SLC35G6: variants seen among roughly 807,000 people sequenced by gnomAD.
The protein encoded by SLC35G6 is acyl-malonyl condensing enzyme 1-like 3.
A neutral mutation model predicts 20.3 loss-of-function variants in SLC35G6; 18 were observed. The observed-to-expected ratio is 0.88, with a 90% CI of 0.61 to 1.31. The LOEUF (loss-of-function observed/expected upper bound fraction) is 1.31, where lower values mean the gene tolerates loss of function less well. Among genes scored for constraint, SLC35G6 ranks in the 40% most tolerant of loss-of-function variants. The pLI is 0.00. For missense variants in SLC35G6, 372 were observed against 433.4 expected, an observed-to-expected ratio of 0.86 and a Z score of 1.26; for synonymous variants, 156 against 200.9, an observed-to-expected ratio of 0.78 and a Z score of 1.89.
At chr17:7,481,554 C>T in intron 1 of SLC35G6, 35 bp downstream of exon 1, 1 of 1,464,374 alleles carries the variant, frequency 6.8e-7, no homozygotes, top group Non-Finnish European at 9.2e-7. Context: ...GTACTCCCTC[C>T]CTATAGCTCC....
Position 7,482,264 on chromosome 17 carries a change from C to T in SLC35G6, c.280C>T (p.Leu94Phe). 2 of 1,614,042 alleles carry T rather than the reference C, an allele frequency of 1.2e-6. No homozygotes were observed. The highest frequency in any genetic ancestry group is 1.7e-6 in the Non-Finnish European group (2 of 1,179,874). ...ALLLKLRGDP[L>F]LGPPDIRGRA... The stretch of plus-strand genomic sequence containing the variant: ...GCTACTTAAACTGCGTGGCGACCCC[C>T]TTCTGGGACCTCCTGACATCCGAGG... The change falls in exon 2 of 2, where the codon CTT becomes TTT. Residue 94 changes from leucine to phenylalanine, a missense_variant. Leu to Phe is a conservative substitution (Grantham distance 22). Coordinates refer to ENST00000412468, the MANE Select transcript of SLC35G6 (RefSeq NM_001102614.2).
In SLC35G6 at chr17:7,482,285, C is replaced by A; in HGVS notation, c.301C>A (p.Arg101=). 2 of 1,614,052 alleles carry A rather than the reference C, an allele frequency of 1.2e-6. No individual in the cohort carries two copies. Among genetic ancestry groups the A allele is most frequent in the Non-Finnish European group, 1.7e-6 (2 of 1,179,882 alleles). ...GDPLLGPPDI[R]GRAYFYALLN... The stretch of plus-strand genomic sequence containing the variant: ...CCCCCTTCTGGGACCTCCTGACATC[C>A]GAGGCCGGGCCTACTTCTATGCCCT... Residue 101 remains arginine (R), a synonymous_variant, in exon 2 of 2, where the codon CGA becomes AGA. Transcript: ENST00000412468.
Position 7,482,748 on chromosome 17 carries a change from G to A in SLC35G6, c.764G>A (p.Cys255Tyr), listed in dbSNP as rs777697465. The A allele has an allele frequency of 1.2e-6, 2 of 1,612,048 alleles. No homozygotes were observed. Among genetic ancestry groups the A allele is most frequent in the South Asian group, 1.1e-5 (1 of 90,990 alleles). Residue 255 changes from cysteine (C) to tyrosine (Y), a missense_variant, in exon 2 of 2, where the codon TGT (cysteine) becomes TAT (tyrosine). Transcript: ENST00000412468. ...VLPSDLPSWS[C>Y]VGAVGILALV... Reference sequence around the variant, plus strand: ...CCCAGTGATCTCCCGAGTTGGAGTTGTGTGGGGGCAGTGGGGATCCTCGCC... The same window carrying A: ...CCCAGTGATCTCCCGAGTTGGAGTTATGTGGGGGCAGTGGGGATCCTCGCC...
rs1369354259 is a variant in SLC35G6 at position 7,483,488 on chromosome 17, CTGAA to C, written c.*490_*493del. The C allele has an allele frequency of 1.8e-5, 4 of 226,238 alleles. No individual in the cohort carries two copies. Among genetic ancestry groups the C allele is most frequent in the Non-Finnish European group, 3.6e-5 (4 of 112,122 alleles). The allele number at this position is 226,238 out of a possible 1,614,324, so 14.0% of individuals were successfully genotyped here. ...ACATTGACATCAAACAAGGATTACT[CTGAA>C]TGTGGCTTGCAGTGGTGTCGTCTCT... On this transcript the variant is annotated 3_prime_UTR_variant, in exon 2 of 2. Coordinates refer to ENST00000412468, the MANE Select transcript of SLC35G6 (RefSeq NM_001102614.2).
Position 7,482,444 on chromosome 17 carries a change from C to A in SLC35G6, c.460C>A (p.Leu154Ile), listed in dbSNP as rs750803593. 110 of 1,614,032 alleles carry A rather than the reference C, an allele frequency of 6.8e-5. No individual in the cohort carries two copies. Among genetic ancestry groups the A allele is most frequent in the Non-Finnish European group, 1.4e-5 (17 of 1,179,878 alleles). Residue 154 changes from leucine to isoleucine, a missense_variant, in exon 2 of 2, where the codon CTC becomes ATC. Physicochemically the swap from Leu to Ile is conservative, Grantham distance 5. Coordinates refer to ENST00000412468, the MANE Select transcript of SLC35G6 (RefSeq NM_001102614.2). ...CACCCTCTGCCTTGAGAGCCAGGGT[C>A]TCAGTGGCTACGACTGGTGTGGACT... ...VLTLCLESQG[L>I]SGYDWCGLLG...
Position 7,483,037 on chromosome 17 carries a change from G to A in SLC35G6, c.*36G>A. On this transcript the variant is annotated 3_prime_UTR_variant, in exon 2 of 2. Transcript: ENST00000412468. ...GGGAGCCCGGGGGTTGGGAGGGACAGGGATAAATAGAGGCAAAGACTGAAG... is the reference window on the plus strand; with the variant it reads ...GGGAGCCCGGGGGTTGGGAGGGACAAGGATAAATAGAGGCAAAGACTGAAG... 3.7e-6 allele frequency: 6 copies of A among 1,611,794 alleles called. No individual in the cohort carries two copies. Among genetic ancestry groups the A allele is most frequent in the Non-Finnish European group, 5.1e-6 (6 of 1,179,770 alleles).
At position 7,483,246 on chromosome 17, in the gene SLC35G6, T is replaced by A; in HGVS notation, c.*245T>A. The A allele has an allele frequency of 1.4e-6, 1 of 725,126 alleles. No individual in the cohort carries two copies. Among genetic ancestry groups the A allele is most frequent in the Non-Finnish European group, 2.2e-6 (1 of 458,194 alleles). The allele number at this position is 725,126 out of a possible 1,614,324, so 44.9% of individuals were successfully genotyped here. On this transcript the variant is annotated 3_prime_UTR_variant, in exon 2 of 2. Coordinates refer to ENST00000412468, the MANE Select transcript of SLC35G6 (RefSeq NM_001102614.2). ...ATCAGGGCATAACTAAGGGGTAAAG[T>A]CTGAGGAGCAGATCCAAACGGCTGA...
rs1326969240 is a variant in SLC35G6, at chr17:7,482,500, T to A, written c.516T>A (p.Ile172=). ...GCAGCATCCTAGGACTAATCATCAT[T>A]GTGGGACCTGGACTCTGGACACTAC... ...LLGSILGLII[I]VGPGLWTLQE... Residue 172 remains isoleucine (I), a synonymous_variant, in exon 2 of 2, where the codon ATT becomes ATA. Coordinates refer to ENST00000412468, the MANE Select transcript of SLC35G6 (RefSeq NM_001102614.2). 1.9e-6 allele frequency: 3 copies of A among 1,613,724 alleles called. No individual in the cohort carries two copies. Among genetic ancestry groups the A allele is most frequent in the Non-Finnish European group, 1.7e-6 (2 of 1,179,890 alleles).
chr17:7,482,635 C>T lies in SLC35G6; in HGVS notation c.651C>T (p.Ser217=). The T allele has an allele frequency of 6.2e-7, 1 of 1,612,064 alleles. No individual in the cohort carries two copies. Reference sequence around the variant, plus strand: ...TCTATCGTTCTCTGCACTTTCCCTCCTGCCTCCCAACAGTGGCCTTCCTAT... The same window carrying T: ...TCTATCGTTCTCTGCACTTTCCCTCTTGCCTCCCAACAGTGGCCTTCCTAT... ...LLVYRSLHFP[S]CLPTVAFLSG... The change falls in exon 2 of 2, where the codon TCC becomes TCT. Residue 217 remains serine, a synonymous_variant. Coordinates refer to ENST00000412468, the MANE Select transcript of SLC35G6 (RefSeq NM_001102614.2).
At position 7,482,042 on chromosome 17, in the gene SLC35G6, T is replaced by C. The variant is rs2070351219; in HGVS notation, c.58T>C (p.Ser20Pro). The C allele has an allele frequency of 6.2e-7, 1 of 1,613,068 alleles. No individual in the cohort carries two copies. Among genetic ancestry groups the C allele is most frequent in the Non-Finnish European group, 8.5e-7 (1 of 1,179,364 alleles). Residue 20 changes from serine to proline, a missense_variant, in exon 2 of 2, where the codon TCC (serine) becomes CCC (proline). Ser to Pro is a moderately conservative substitution (Grantham distance 74). Transcript: ENST00000412468. ...TGACTCCACACACCCATCGCCGCCC[T>C]CCGCTCCACCCAGCCTCCGCTGGCA... ...PPDSTHPSPP[S>P]APPSLRWHQC... is the part of the protein sequence containing the mutation.
In SLC35G6 at chr17:7,483,078, G is replaced by A; in HGVS notation, c.*77G>A. 2 of 1,589,646 alleles carry A rather than the reference G, an allele frequency of 1.3e-6. No individual in the cohort carries two copies. The highest frequency in any genetic ancestry group is 1.7e-6 in the Non-Finnish European group (2 of 1,168,258). On this transcript the variant is annotated 3_prime_UTR_variant, in exon 2 of 2. Coordinates refer to ENST00000412468, the MANE Select transcript of SLC35G6 (RefSeq NM_001102614.2). Reference sequence around the variant, plus strand: ...AAGACTGAAGACAAACATGGGAGGAGAAGTGACTGGAAAAGAACTGGTGTG... The same window carrying A: ...AAGACTGAAGACAAACATGGGAGGAAAAGTGACTGGAAAAGAACTGGTGTG...
In SLC35G6 at chr17:7,482,290, C is replaced by G. The variant is rs543307374; in HGVS notation, c.306C>G (p.Gly102=). 16 of 1,614,052 alleles carry G rather than the reference C, an allele frequency of 9.9e-6. No individual in the cohort carries two copies. The South Asian group carries it at 1.8e-4, about 18-fold the overall frequency. ...TTCTGGGACCTCCTGACATCCGAGGCCGGGCCTACTTCTATGCCCTGCTCA... is the reference window on the plus strand; with the variant it reads ...TTCTGGGACCTCCTGACATCCGAGGGCGGGCCTACTTCTATGCCCTGCTCA... The part of the protein sequence containing the change: ...DPLLGPPDIR[G]RAYFYALLNV... Residue 102 remains glycine (G), a synonymous_variant, in exon 2 of 2, where the codon GGC becomes GGG. Transcript: ENST00000412468.
Position 7,482,628 on chromosome 17 carries a change from T to G in SLC35G6, c.644T>G (p.Phe215Cys). The G allele has an allele frequency of 6.2e-7, 1 of 1,612,070 alleles. No homozygotes were observed. Among genetic ancestry groups the G allele is most frequent in the Non-Finnish European group, 8.5e-7 (1 of 1,179,904 alleles). ...LGLLVYRSLH[F>C]PSCLPTVAFL... ...CTTCTGGTCTATCGTTCTCTGCACTTTCCCTCCTGCCTCCCAACAGTGGCC... is the reference window on the plus strand; with the variant it reads ...CTTCTGGTCTATCGTTCTCTGCACTGTCCCTCCTGCCTCCCAACAGTGGCC... Residue 215 changes from phenylalanine (F) to cysteine (C), a missense_variant, in exon 2 of 2, where the codon TTT (phenylalanine) becomes TGT (cysteine). By Grantham distance (205) the Phe-to-Cys change is radical. Coordinates refer to ENST00000412468, the MANE Select transcript of SLC35G6 (RefSeq NM_001102614.2).
Position 7,482,912 on chromosome 17 carries a change from A to C in SLC35G6, c.928A>C (p.Ile310Leu), listed in dbSNP as rs751744824. 1 of 1,612,006 alleles carries C rather than the reference A, an allele frequency of 6.2e-7. No individual in the cohort carries two copies. The highest frequency in any genetic ancestry group is 8.5e-7 in the Non-Finnish European group (1 of 1,179,850). Residue 310 changes from isoleucine to leucine, a missense_variant, in exon 2 of 2, where the codon ATC becomes CTC. Ile to Leu is a conservative substitution (Grantham distance 5, BLOSUM62 2). Transcript: ENST00000412468. ...CCATGAGACTGTGGCACCTTCTGAC[A>C]TCGTGGGGGCAGGGGTTGTGCTGGG... is the stretch of plus-strand genomic sequence containing the variant. ...MLHETVAPSD[I>L]VGAGVVLGSI...
Position 7,482,161 on chromosome 17 carries a change from T to C in SLC35G6, c.177T>C (p.His59=). ...LPAGFVGPLS[H]MAYQASNLPS... ...CTGGCTTCGTGGGCCCCCTTTCTCA[T>C]ATGGCTTACCAGGCTTCCAACCTGC... The change falls in exon 2 of 2, where the codon CAT becomes CAC. Residue 59 remains histidine (H), a synonymous_variant. Coordinates refer to ENST00000412468, the MANE Select transcript of SLC35G6 (RefSeq NM_001102614.2). 1 of 1,614,144 alleles carries C rather than the reference T, an allele frequency of 6.2e-7. No homozygotes were observed.
Position 7,482,722 on chromosome 17 carries a change from G to A in SLC35G6, c.738G>A (p.Leu246=). The A allele has an allele frequency of 6.2e-7, 1 of 1,612,058 alleles. No individual in the cohort carries two copies. The highest frequency in any genetic ancestry group is 8.5e-7 in the Non-Finnish European group (1 of 1,179,866). ...PGLFVLQPPV[L]PSDLPSWSCV... is the part of the protein sequence containing the mutation. ...TCTTTGTGCTGCAGCCCCCCGTGTT[G>A]CCCAGTGATCTCCCGAGTTGGAGTT... The change falls in exon 2 of 2, where the codon TTG becomes TTA. Residue 246 remains leucine, a synonymous_variant. Transcript: ENST00000412468.
At chr17:7,481,550 C>T (rs1007585253) in intron 1 of SLC35G6, 31 bp downstream of exon 1, 8 of 1,494,618 alleles carry the variant, frequency 5.4e-6, no homozygotes, top group Non-Finnish European at 7.2e-6. Flanking sequence ...CCTAGTACTC[C>T]CTCCCTATAG....
In SLC35G6 at chr17:7,483,318, G is replaced by C. The variant is rs2070371705; in HGVS notation, c.*317G>C. 2.1e-6 allele frequency: 1 copy of C among 475,226 alleles called. No homozygotes were observed. The highest frequency in any genetic ancestry group is 2.0e-5 in the African/African-American group (1 of 51,142). 29.4% of individuals were successfully genotyped at this position (475,226 alleles called of 1,614,324 possible). A position where few individuals can be genotyped will look rare whatever the true frequency, so the allele number is the denominator to read the frequency against. The stretch of plus-strand genomic sequence containing the variant: ...GGGGAGGACTTCACTCAGCAGCAAA[G>C]AGAAGAGCATTGGGGCTGGAGTGTT... On this transcript the variant is annotated 3_prime_UTR_variant, in exon 2 of 2. Transcript: ENST00000412468.
intron 1 of SLC35G6, among the ~76,000 whole-genome samples, chr17:7,481,780 A>T (rs1230918434): frequency 1.3e-5 from 2 of 152,016 alleles, no homozygotes; most frequent in Non-Finnish European, 2.9e-5. Flanking sequence ...ATGCTCCAGG[A>T]CTGCTCACTC....
Sources: allele counts gnomAD v4.1 joint callset (sites outside exome capture counted in the v4.1 genomes callset), GRCh38; gene constraint gnomAD v4.1.1; transcripts MANE v1.5; gene names NCBI Gene and HGNC (gene_info 2026-07-23, HGNC 2026-07-21).